Variants in GRIK1 observed in about 807,000 individuals in gnomAD.
The protein encoded by GRIK1 is glutamate ionotropic receptor kainate type subunit 1, also known as glutamate receptor ionotropic, kainate 1.
A neutral mutation model predicts 105.7 loss-of-function variants in GRIK1; 69 were observed. The ratio of observed to expected loss-of-function variants is 0.65; its 90% CI spans 0.54 to 0.80. The LOEUF is 0.80. Ranked by LOEUF, GRIK1 falls within the 30% of genes least tolerant of loss-of-function variation. The probability of loss-of-function intolerance (pLI) is 0.00; values close to 1 mark genes in which losing one functional copy is unlikely to be tolerated. For missense variants in GRIK1, 1,109 were observed against 1,167.3 expected (o/e 0.95, Z 0.73); for synonymous variants, 438 against 431.3 (o/e 1.02, Z -0.19).
intron 1 of GRIK1, among the ~76,000 whole-genome samples, chr21:29,849,304 T>G (rs2068233826): frequency 6.6e-6 from 1 of 152,192 alleles, no homozygotes; most frequent in Non-Finnish European, 1.5e-5. Flanking sequence ...TAAATCGATT[T>G]GAATTAAACC....
Position 29,629,551 on chromosome 21 carries a change from C to T in GRIK1, c.1098+13275G>A, listed in dbSNP as rs138457301. Among the ~76,000 whole-genome samples, 341 of 150,446 alleles carry T rather than the reference C, an allele frequency of 2.3e-3. 1 individual carries two copies. Among genetic ancestry groups the T allele is most frequent in the African/African-American group, 7.9e-3 (323 of 40,682 alleles). On this transcript the variant is annotated intron_variant, in intron 7 of 17. Transcript: ENST00000327783. ...TGTCACCCAGGCTGGAGTGCAGTGG[C>T]GGATCTCAGCTCACTGCAAACTCCG...
At chr21:29,603,588 T>C (rs920533761) in intron 7 of GRIK1, among the ~76,000 whole-genome samples, 1 of 152,214 alleles carries the variant, frequency 6.6e-6, no homozygotes, top group Non-Finnish European at 1.5e-5. Context: ...CTCTTGGCAT[T>C]GCATTCTCCT....
chr21:29,598,898 T>C lies in GRIK1; in HGVS notation c.1138A>G (p.Lys380Glu), dbSNP rs2061466404. The C allele has an allele frequency of 6.3e-6, 10 of 1,598,678 alleles. No homozygotes were observed. Among genetic ancestry groups the C allele is most frequent in the Non-Finnish European group, 8.6e-6 (10 of 1,169,136 alleles). ...AAATCCTTCCTCAAGCCATTGGTTT[T>C]ATTAAAGGTGATATGCCCAGTCAAG... ...DGLTGHITFN[K>E]TNGLRKDFDL... is the part of the protein sequence containing the mutation. The change falls in exon 8 of 18, where the codon AAA becomes GAA. Residue 380 changes from lysine to glutamate, a missense_variant. By Grantham distance (56) the Lys-to-Glu change is moderately conservative. Around this residue, in one of 5 missense-constraint regions of GRIK1, gnomAD observed 612 missense variants for 586.0 expected, o/e 1.04. Transcript: ENST00000327783.
At chr21:29,814,422 T>C (rs1905601974) in intron 1 of GRIK1, among the ~76,000 whole-genome samples, 1 of 152,128 alleles carries the variant, frequency 6.6e-6, no homozygotes, top group Admixed American at 6.5e-5. Flanking sequence ...TTGGTGAGCA[T>C]GCATATGGAG....
intron 7 of GRIK1, among the ~76,000 whole-genome samples, chr21:29,607,837 T>A (rs1038639972): frequency 6.6e-6 from 1 of 152,214 alleles, no homozygotes; most frequent in African/African-American, 2.4e-5. Context: ...TGACACATAA[T>A]GTTTAAAATG....
Position 29,797,199 on chromosome 21 carries a change from A to G in GRIK1, c.119-103136T>C, listed in dbSNP as rs116405339. ...TTGTACTATGTGGGGAAAGGCTGCAATCATTTTCTTAAGCCTGTGTGAAAA... is the reference window on the plus strand; with the variant it reads ...TTGTACTATGTGGGGAAAGGCTGCAGTCATTTTCTTAAGCCTGTGTGAAAA... On this transcript the variant is annotated intron_variant, in intron 1 of 17. Transcript: ENST00000327783. Among the ~76,000 whole-genome samples, 270 of 152,276 alleles carry G rather than the reference A, an allele frequency of 1.8e-3. 1 individual carries two copies. Among genetic ancestry groups the G allele is most frequent in the African/African-American group, 6.3e-3 (261 of 41,536 alleles).
intron 1 of GRIK1, among the ~76,000 whole-genome samples, chr21:29,801,255 T>C (rs995722740): frequency 2.6e-5 from 4 of 151,744 alleles, no homozygotes; most frequent in African/African-American, 9.7e-5. Context: ...ACAAAAGTAA[T>C]TGCGGTTTTT....
intron 10 of GRIK1, 88 bp downstream of exon 10, chr21:29,591,024 T>C (rs2061325143): frequency 8.8e-6 from 7 of 794,858 alleles, no homozygotes; most frequent in African/African-American, 6.7e-5. Context: ...GACAGAAGCG[T>C]TGGCATGAAA....
intron 12 of GRIK1, among the ~76,000 whole-genome samples, chr21:29,583,601 TATAAG>T (rs1342020613): frequency 6.6e-6 from 1 of 152,192 alleles, no homozygotes; most frequent in Non-Finnish European, 1.5e-5. Flanking sequence ...ACTTTGCACT[TATAAG>T]AGAGCAATTA....
chr21:29,691,239 A>C (rs377657774), intron 2 of GRIK1, among the ~76,000 whole-genome samples: 27 of 152,184 alleles, frequency 1.8e-4, no homozygotes, highest in Non-Finnish European at 3.7e-4. Flanking sequence ...TGAACCCGGG[A>C]GGCAGAGATT....
intron 7 of GRIK1, among the ~76,000 whole-genome samples, chr21:29,608,168 G>A (rs1244385954): frequency 6.6e-6 from 1 of 152,064 alleles, no homozygotes; most frequent in Non-Finnish European, 1.5e-5. Context: ...ATGTTAATGA[G>A]CATTTTGGTT....
At chr21:29,860,400 G>A (rs1165428893) in intron 1 of GRIK1, among the ~76,000 whole-genome samples, 3 of 152,206 alleles carry the variant, frequency 2.0e-5, no homozygotes, top group African/African-American at 7.2e-5. Flanking sequence ...AGGAAGTAGA[G>A]TCCAGAAGAC....
intron 7 of GRIK1, among the ~76,000 whole-genome samples, chr21:29,619,386 G>A (rs1302145650): frequency 2.0e-5 from 3 of 152,108 alleles, no homozygotes; most frequent in East Asian, 1.9e-4. Flanking sequence ...GCAGTGAGCC[G>A]AGATTGTGCC....
chr21:29,827,581 C>T (rs1250430612), intron 1 of GRIK1, among the ~76,000 whole-genome samples: 4 of 151,880 alleles, frequency 2.6e-5, no homozygotes, highest in East Asian at 1.9e-4. Flanking sequence ...TCATAACTGT[C>T]GTAAATGACT....
At position 29,588,986 on chromosome 21, in the gene GRIK1, TC is replaced by T; in HGVS notation, c.1421del (p.Arg474AsnfsTer7). 6.2e-7 allele frequency: 1 copy of T among 1,605,662 alleles called. No individual in the cohort carries two copies. ...ACAGGTCTAGGCAATATCCTTCAAA[TC>T]TGTCATTTCCATATAGAGGCTTATC... Reference protein sequence around the residue: ...KSDKPLYGNDRFEGYCLDLLK... With the variant: ...KSDKPLYGNDXFEGYCLDLLK... On this transcript the variant is annotated frameshift_variant, in exon 11 of 18. Coordinates refer to ENST00000327783, the MANE Select transcript of GRIK1 (RefSeq NM_001330994.2). LOFTEE classifies it high-confidence loss of function.
intron 1 of GRIK1, among the ~76,000 whole-genome samples, chr21:29,910,641 A>G (rs2070781500): frequency 6.6e-6 from 1 of 152,188 alleles, no homozygotes; most frequent in Non-Finnish European, 1.5e-5. Flanking sequence ...ATTCAATTCA[A>G]TAAAAATTAA....
At chr21:29,839,045 T>TTTTC (rs1555896817) in intron 1 of GRIK1, among the ~76,000 whole-genome samples, 1 of 151,692 alleles carries the variant, frequency 6.6e-6, no homozygotes, top group Non-Finnish European at 1.5e-5. Flanking sequence ...TAGGGATTTC[T>TTTTC]TTTCTTTTCT....
intron 12 of GRIK1, among the ~76,000 whole-genome samples, chr21:29,585,318 A>G (rs551564036): frequency 6.6e-6 from 1 of 152,162 alleles, no homozygotes; most frequent in East Asian, 1.9e-4. Context: ...AGAGGGGAAA[A>G]CTATTGAATG....
Position 29,836,553 on chromosome 21 carries a change from T to C in GRIK1, c.118+102830A>G, listed in dbSNP as rs1427036876. The stretch of plus-strand genomic sequence containing the variant: ...TCTGCTAGGCAGATTAAAAATAAGA[T>C]CCACTCTGATTTGCCATTGTTGCCT... On this transcript the variant is annotated intron_variant, in intron 1 of 17. Coordinates refer to ENST00000327783, the MANE Select transcript of GRIK1 (RefSeq NM_001330994.2). Among the ~76,000 whole-genome samples, 3 of 152,166 alleles carry C rather than the reference T, an allele frequency of 2.0e-5. No homozygotes were observed. The South Asian group carries it at 6.2e-4, about 32-fold the overall frequency.
Sources: gnomAD v4.1 joint callset for allele counts (sites outside exome capture counted in the v4.1 genomes callset) on GRCh38, gnomAD v4.1.1 for gene constraint, gnomAD v4.1.1 regional missense constraint, MANE v1.5 for transcripts, NCBI Gene and HGNC (gene_info 2026-07-23, HGNC 2026-07-21) for gene names.